The following IMMP2L variants were observed in gnomAD, a reference collection of about 807,000 sequenced individuals.
IMMP2L encodes the protein inner mitochondrial membrane peptidase subunit 2, also known as mitochondrial inner membrane protease subunit 2.
Under a neutral mutation model 19.3 loss-of-function variants are expected in IMMP2L, and 18 were observed. That is an observed-to-expected ratio of 0.93 (90% CI 0.64 to 1.38). The LOEUF (loss-of-function observed/expected upper bound fraction) is 1.38, where lower values mean the gene tolerates loss of function less well. Ranked by LOEUF, IMMP2L falls within the 40% of genes most tolerant of loss-of-function variation. The pLI is 0.00. For synonymous variants in IMMP2L, 76 were observed against 73.0 expected, an observed-to-expected ratio of 1.04 and a Z score of -0.21; for missense variants, 233 against 218.2, an observed-to-expected ratio of 1.07 and a Z score of -0.43.
intron 3 of IMMP2L, among the ~76,000 whole-genome samples, chr7:111,111,263 G>A (rs1799156311): frequency 6.7e-6 from 1 of 149,612 alleles, no homozygotes; most frequent in African/African-American, 2.5e-5. Flanking sequence ...ACGCTTATGT[G>A]GGCATATCGC....
intron 5 of IMMP2L, among the ~76,000 whole-genome samples, chr7:110,833,574 C>T (rs1395533106): frequency 6.6e-6 from 1 of 152,054 alleles, no homozygotes; most frequent in African/African-American, 2.4e-5. Flanking sequence ...AGTACATTCA[C>T]TGAGGCAAAA....
chr7:111,141,734 G>C (rs909562372), intron 3 of IMMP2L, among the ~76,000 whole-genome samples: 1 of 144,530 alleles, frequency 6.9e-6, no homozygotes, highest in South Asian at 2.1e-4. Context: ...ATGTTCATTC[G>C]TTTGTTTGTT....
intron 3 of IMMP2L, among the ~76,000 whole-genome samples, chr7:111,386,504 C>A (rs192331159): frequency 6.6e-6 from 1 of 152,092 alleles, no homozygotes; most frequent in African/African-American, 2.4e-5. Context: ...ATGCCAGCTA[C>A]TCAAATTCAA....
chr7:111,319,995 A>G (rs1280768812), intron 3 of IMMP2L, among the ~76,000 whole-genome samples: 1 of 152,000 alleles, frequency 6.6e-6, no homozygotes, highest in Non-Finnish European at 1.5e-5. Context: ...TCATTACTGT[A>G]TATTTCTGTG....
chr7:111,152,563 A>G (rs1562860880), intron 3 of IMMP2L, among the ~76,000 whole-genome samples: 1 of 152,128 alleles, frequency 6.6e-6, no homozygotes, highest in Non-Finnish European at 1.5e-5. Flanking sequence ...ACATATACCC[A>G]AAGTTATTCC....
At chr7:111,537,206 G>T (rs1273423126) in intron 1 of IMMP2L, among the ~76,000 whole-genome samples, 2 of 151,998 alleles carry the variant, frequency 1.3e-5, no homozygotes, top group Non-Finnish European at 2.9e-5. Context: ...GGCTAAAAGG[G>T]CCATAAAAAT....
intron 3 of IMMP2L, among the ~76,000 whole-genome samples, chr7:111,381,635 G>A (rs1476899004): frequency 6.6e-6 from 1 of 151,936 alleles, no homozygotes; most frequent in Non-Finnish European, 1.5e-5. Flanking sequence ...TCGCCAAGGT[G>A]AGAGAGGACA....
chr7:111,108,619 T>C (rs1798818999), intron 3 of IMMP2L, among the ~76,000 whole-genome samples: 1 of 152,166 alleles, frequency 6.6e-6, no homozygotes, highest in Non-Finnish European at 1.5e-5. Context: ...TTATGATTCT[T>C]TTTAAACAAT....
At chr7:110,818,032 C>G (rs1282175201) in intron 5 of IMMP2L, among the ~76,000 whole-genome samples, 1 of 152,026 alleles carries the variant, frequency 6.6e-6, no homozygotes, top group Non-Finnish European at 1.5e-5. Context: ...CTAGGCATTA[C>G]CATTCAGGAC....
intron 5 of IMMP2L, among the ~76,000 whole-genome samples, chr7:110,679,080 A>G: frequency 6.6e-6 from 1 of 152,158 alleles, no homozygotes; most frequent in East Asian, 1.9e-4. Flanking sequence ...TTCTCTCTAG[A>G]TAACTACAGA....
chr7:111,429,255 G>A (rs1488634159), intron 3 of IMMP2L, among the ~76,000 whole-genome samples: 3 of 151,762 alleles, frequency 2.0e-5, no homozygotes, highest in Non-Finnish European at 2.9e-5. Flanking sequence ...TGGGGAAGGG[G>A]GTAAGCATGC....
At chr7:111,363,109 A>T (rs1422458647) in intron 3 of IMMP2L, among the ~76,000 whole-genome samples, 1 of 152,094 alleles carries the variant, frequency 6.6e-6, no homozygotes, top group Non-Finnish European at 1.5e-5. Context: ...TACACACATG[A>T]ATGCAAGCCA....
At chr7:110,912,611 G>T (rs1290794899) in intron 4 of IMMP2L, among the ~76,000 whole-genome samples, 7 of 151,754 alleles carry the variant, frequency 4.6e-5, no homozygotes, top group Admixed American at 3.3e-4. Flanking sequence ...CTTCATGGGG[G>T]TAGGATAATG....
chr7:111,010,554 T>G (rs1038269981), intron 3 of IMMP2L, among the ~76,000 whole-genome samples: 1 of 152,140 alleles, frequency 6.6e-6, no homozygotes, highest in African/African-American at 2.4e-5. Context: ...CTCATTAGCA[T>G]GCTTTTCTCA....
intron 4 of IMMP2L, among the ~76,000 whole-genome samples, chr7:110,941,489 T>C (rs1382096376): frequency 1.3e-5 from 2 of 152,184 alleles, no homozygotes; most frequent in Non-Finnish European, 2.9e-5. Context: ...GAAATTCTTA[T>C]AATTATATTA....
chr7:110,680,248 CCG>C (rs1428416159), intron 5 of IMMP2L, among the ~76,000 whole-genome samples: 10 of 152,092 alleles, frequency 6.6e-5, no homozygotes, highest in African/African-American at 2.2e-4. Context: ...TTTTTCTCAA[CCG>C]TGTTTTTCAT....
At chr7:111,121,820 A>T (rs1800661535) in intron 3 of IMMP2L, among the ~76,000 whole-genome samples, 1 of 152,194 alleles carries the variant, frequency 6.6e-6, no homozygotes. Context: ...AAAGACTTGG[A>T]ACCAACCCAA....
At chr7:111,546,983 A>G (rs1848986138) in intron 1 of IMMP2L, among the ~76,000 whole-genome samples, 1 of 152,184 alleles carries the variant, frequency 6.6e-6, no homozygotes, top group Non-Finnish European at 1.5e-5. Context: ...GTAGTGAAAA[A>G]GAGAAAAAGC....
At chr7:110,768,457 T>G (rs943509403) in intron 5 of IMMP2L, among the ~76,000 whole-genome samples, 3 of 152,122 alleles carry the variant, frequency 2.0e-5, no homozygotes, top group African/African-American at 7.2e-5. Flanking sequence ...GGGTTTTAAG[T>G]AGAGAGAGGA....
Sources: gnomAD v4.1 joint callset for allele counts (sites outside exome capture counted in the v4.1 genomes callset) on GRCh38, gnomAD v4.1.1 for gene constraint, MANE v1.5 for transcripts, NCBI Gene and HGNC (gene_info 2026-07-23, HGNC 2026-07-21) for gene names.